PDIA3: variants seen among roughly 807,000 people sequenced by gnomAD.
PDIA3 encodes the protein protein disulfide isomerase family A member 3, also known as protein disulfide-isomerase A3.
Under a neutral mutation model 56.9 loss-of-function variants are expected in PDIA3, and 16 were observed. The ratio of observed to expected loss-of-function variants is 0.28; its 90% CI spans 0.19 to 0.43. The LOEUF is 0.43. PDIA3 is among the 20% of genes least tolerant of loss of function. PDIA3 has a pLI of 1.00. For missense variants in PDIA3, 485 were observed against 621.3 expected (o/e 0.78, Z 2.33); for synonymous variants, 192 against 216.5 (o/e 0.89, Z 0.99).
chr15:43,757,490 G>A (rs574193354), intron 3 of PDIA3, among the ~76,000 whole-genome samples: 11 of 151,814 alleles, frequency 7.2e-5, no homozygotes, highest in East Asian at 1.9e-4. Context: ...CCTGGGAGGC[G>A]GAGCTTGCAG....
chr15:43,765,245 G>A (rs1039677499), intron 5 of PDIA3, among the ~76,000 whole-genome samples: 8 of 151,982 alleles, frequency 5.3e-5, no homozygotes, highest in Non-Finnish European at 1.0e-4. Context: ...GTTGTGCATG[G>A]TGGTGCACAC....
intron 6 of PDIA3, 72 bp downstream of exon 6, chr15:43,765,638 C>T (rs2086843156): frequency 7.7e-6 from 8 of 1,036,400 alleles, no homozygotes; most frequent in South Asian, 5.4e-5. Flanking sequence ...GTTATTAAGC[C>T]GAGCTATATT....
chr15:43,755,235 G>A (rs984203953), intron 2 of PDIA3, among the ~76,000 whole-genome samples: 3 of 152,142 alleles, frequency 2.0e-5, no homozygotes, highest in Non-Finnish European at 4.4e-5. Flanking sequence ...GCTGAGACAG[G>A]ACAATCGCTT....
chr15:43,751,417 A>G (rs1289053707), intron 1 of PDIA3, among the ~76,000 whole-genome samples: 1 of 152,206 alleles, frequency 6.6e-6, no homozygotes, highest in African/African-American at 2.4e-5. Flanking sequence ...AGTGATGATT[A>G]TGGGTGAATA....
chr15:43,749,254 C>T (rs1188832447), intron 1 of PDIA3, among the ~76,000 whole-genome samples: 8 of 151,866 alleles, frequency 5.3e-5, no homozygotes, highest in South Asian at 2.1e-4. Context: ...CCACCAAGCC[C>T]GGCTAATTTT....
chr15:43,760,194 C>T (rs1385317856), intron 3 of PDIA3, among the ~76,000 whole-genome samples: 1 of 151,962 alleles, frequency 6.6e-6, no homozygotes, highest in Non-Finnish European at 1.5e-5. Context: ...AGTTGGAGGC[C>T]ATCCTGGGCA....
chr15:43,768,306 C>G (rs2086860676), intron 8 of PDIA3, among the ~76,000 whole-genome samples, 183 bp from the exon 9 acceptor site: 1 of 152,188 alleles, frequency 6.6e-6, no homozygotes, highest in African/African-American at 2.4e-5. Context: ...CCACAAAGAA[C>G]ACACTAGAAA....
At position 43,761,583 on chromosome 15, in the gene PDIA3, A is replaced by G. The variant is rs1217075100; in HGVS notation, c.472+52A>G. On this transcript the variant is annotated intron_variant, in intron 4 of 12. Coordinates refer to ENST00000300289, the MANE Select transcript of PDIA3 (RefSeq NM_005313.5). ...ACAGAATTGTCAGTTTGGTTTCCAA[A>G]ACCCTCCATGTCTGGGAAAACCACA... 3 of 985,604 alleles carry G rather than the reference A, an allele frequency of 3.0e-6. No homozygotes were observed. In the African/African-American group the frequency reaches 4.8e-5, roughly 16 times the overall value. The allele number at this position is 985,604 out of a possible 1,614,324, so 61.1% of individuals were successfully genotyped here. A position where few individuals can be genotyped will look rare whatever the true frequency, so the allele number is the denominator to read the frequency against.
intron 1 of PDIA3, among the ~76,000 whole-genome samples, chr15:43,747,353 AT>A (rs1280421438): frequency 6.6e-6 from 1 of 152,254 alleles, no homozygotes; most frequent in East Asian, 1.9e-4. Context: ...GAATCTGTCC[AT>A]ATTGTCTGTT....
chr15:43,765,826 C>A lies in PDIA3; in HGVS notation c.720-61C>A, dbSNP rs1596024271. The A allele has an allele frequency of 2.6e-6, 4 of 1,548,314 alleles. No homozygotes were observed. The African/African-American group carries it at 4.1e-5, about 16-fold the overall frequency. On this transcript the variant is annotated intron_variant, in intron 6 of 12. Transcript: ENST00000300289. The stretch of plus-strand genomic sequence containing the variant: ...ATAAATGCTATCAATTATTTTGTGG[C>A]AACTTTATGATATAGCTAAAAACTT...
chr15:43,758,980 A>T (rs567755451), intron 3 of PDIA3, among the ~76,000 whole-genome samples: 2 of 151,966 alleles, frequency 1.3e-5, no homozygotes, highest in Admixed American at 6.6e-5. Flanking sequence ...GTCTCAAAAA[A>T]AAAAATAAAA....
chr15:43,751,458 G>A (rs576732243), intron 1 of PDIA3: 28 of 488,458 alleles, frequency 5.7e-5, no homozygotes, highest in African/African-American at 5.2e-4. Context: ...ACTGCCAGGT[G>A]CCATCCCTGA....
chr15:43,750,766 CCTT>C (rs760339250), intron 1 of PDIA3, among the ~76,000 whole-genome samples: 8 of 150,996 alleles, frequency 5.3e-5, no homozygotes, highest in South Asian at 4.2e-4. Flanking sequence ...CAGCGAGACT[CCTT>C]CTCAAAAAAA....
chr15:43,768,883 G>T (rs1310506474), intron 9 of PDIA3, among the ~76,000 whole-genome samples: 1 of 152,062 alleles, frequency 6.6e-6, no homozygotes, highest in African/African-American at 2.4e-5. Flanking sequence ...AATCAGCCGG[G>T]CATGGTGGCG....
chr15:43,765,200 A>AC (rs1355790065), intron 5 of PDIA3, among the ~76,000 whole-genome samples: 1 of 151,636 alleles, frequency 6.6e-6, no homozygotes, highest in Non-Finnish European at 1.5e-5. Context: ...ACATGATGAG[A>AC]CCCCCATCTC....
intron 4 of PDIA3, among the ~76,000 whole-genome samples, chr15:43,762,638 AT>A (rs1287688908): frequency 2.0e-5 from 3 of 152,106 alleles, no homozygotes; most frequent in African/African-American, 7.2e-5. Flanking sequence ...GTTAGCATGT[AT>A]TTATTAAACA....
At position 43,771,774 on chromosome 15, in the gene PDIA3, A is replaced by G. The variant is rs149291161; in HGVS notation, c.*556A>G. The G allele has an allele frequency of 1.7e-3, 678 of 397,524 alleles. 4 individuals are homozygous for G. The highest frequency in any genetic ancestry group is 0.013 in the African/African-American group (624 of 48,754). The allele number at this position is 397,524 out of a possible 1,614,324, so 24.6% of individuals were successfully genotyped here. On this transcript the variant is annotated 3_prime_UTR_variant, in exon 13 of 13. Coordinates refer to ENST00000300289, the MANE Select transcript of PDIA3 (RefSeq NM_005313.5). Reference sequence around the variant, plus strand: ...TGTAGACTGACTGGGTCCATAGTTCATCACCTCAAAATTCTTTCAAAATTT... The same window carrying G: ...TGTAGACTGACTGGGTCCATAGTTCGTCACCTCAAAATTCTTTCAAAATTT...
rs986809574 is a variant in PDIA3 at position 43,763,174 on chromosome 15, G to A, written c.570G>A (p.Glu190=). 1.9e-6 allele frequency: 3 copies of A among 1,614,024 alleles called. No homozygotes were observed. The highest frequency in any genetic ancestry group is 2.7e-5 in the African/African-American group (2 of 74,928). Residue 190 remains glutamate, a synonymous_variant, in exon 5 of 13, where the codon GAG becomes GAA. Transcript: ENST00000300289. ...DNYRFAHTNV[E]SLVNEYDDNG... ...ACCGATTTGCACATACGAATGTTGA[G>A]TCTCTGGTGAACGAGTATGATGATA...
intron 5 of PDIA3, among the ~76,000 whole-genome samples, chr15:43,763,493 T>A (rs2086830125): frequency 1.3e-5 from 2 of 152,206 alleles, no homozygotes; most frequent in African/African-American, 4.8e-5. Context: ...CCTCAAGTGT[T>A]CCACCCACCT....
Sources: allele counts gnomAD v4.1 joint callset (sites outside exome capture counted in the v4.1 genomes callset), GRCh38; gene constraint gnomAD v4.1.1; transcripts MANE v1.5; gene names NCBI Gene and HGNC (gene_info 2026-07-23, HGNC 2026-07-21).